The following ENTREP1 variants were observed in gnomAD, a reference collection of about 807,000 sequenced individuals.
ENTREP1 encodes the protein endosomal transmembrane epsin interactor 1.
chr9:69,328,525 A>AAC, the ENTREP1 span, among the ~76,000 whole-genome samples: 1 of 152,112 alleles, frequency 6.6e-6, no homozygotes, highest in African/African-American at 2.4e-5. Flanking sequence ...CCCCCTTCCT[A>AAC]ACACCCCTGG....
chr9:69,337,527 G>A, the ENTREP1 span, among the ~76,000 whole-genome samples: 1 of 152,036 alleles, frequency 6.6e-6, no homozygotes, highest in African/African-American at 2.4e-5. Context: ...ATAGCAAAAT[G>A]AATCATTTTA....
chr9:69,365,830 A>T, the ENTREP1 span, among the ~76,000 whole-genome samples: 1 of 152,124 alleles, frequency 6.6e-6, no homozygotes, highest in Admixed American at 6.6e-5. Context: ...CTCCAGTTCC[A>T]CTCAGGTTGC....
chr9:69,390,415 C>T, the ENTREP1 span, among the ~76,000 whole-genome samples: 6 of 152,276 alleles, frequency 3.9e-5, no homozygotes, highest in South Asian at 1.2e-3. Flanking sequence ...CCGGACAGTT[C>T]TCTCCTCTTC....
the ENTREP1 span, among the ~76,000 whole-genome samples, chr9:69,372,848 G>A: frequency 1.3e-4 from 16 of 126,534 alleles, no homozygotes; most frequent in Admixed American, 2.5e-4. Flanking sequence ...GTTATTTTCT[G>A]CTTTTTTTTT....
At chr9:69,351,331 C>T in the ENTREP1 span, among the ~76,000 whole-genome samples, 1 of 152,050 alleles carries the variant, frequency 6.6e-6, no homozygotes, top group Admixed American at 6.6e-5. Context: ...ATTTAGTGAG[C>T]TTTTGTGATT....
the ENTREP1 span, among the ~76,000 whole-genome samples, chr9:69,344,156 T>C: frequency 2.0e-5 from 3 of 152,202 alleles, no homozygotes; most frequent in African/African-American, 7.2e-5. Flanking sequence ...ATTCTCAAAT[T>C]ATTAATGATT....
the ENTREP1 span, chr9:69,383,035 T>C: frequency 2.0e-6 from 2 of 984,564 alleles, no homozygotes; most frequent in Non-Finnish European, 2.4e-6. Context: ...TGGTGAAAAA[T>C]CTTGTGGAGG....
the ENTREP1 span, among the ~76,000 whole-genome samples, chr9:69,336,422 A>G: frequency 6.6e-6 from 1 of 152,210 alleles, no homozygotes; most frequent in Non-Finnish European, 1.5e-5. Context: ...GATCATAACC[A>G]GTAAGTAAGA....
chr9:69,343,687 A>C, the ENTREP1 span, among the ~76,000 whole-genome samples: 1 of 151,804 alleles, frequency 6.6e-6, no homozygotes, highest in South Asian at 2.1e-4. Context: ...TAATATAAAC[A>C]ATTAAACATG....
the ENTREP1 span, among the ~76,000 whole-genome samples, chr9:69,337,365 ATTG>A: frequency 6.6e-6 from 1 of 152,188 alleles, no homozygotes; most frequent in Non-Finnish European, 1.5e-5. Context: ...ATGACTTTTT[ATTG>A]TTATAATGTT....
the ENTREP1 span, among the ~76,000 whole-genome samples, chr9:69,356,500 C>A: frequency 6.7e-6 from 1 of 149,212 alleles, no homozygotes; most frequent in Non-Finnish European, 1.5e-5. Context: ...GAGTCATGAT[C>A]TGATTCTTTA....
At chr9:69,385,289 T>C in the ENTREP1 span, among the ~76,000 whole-genome samples, 7 of 152,194 alleles carry the variant, frequency 4.6e-5, no homozygotes, top group African/African-American at 1.7e-4. Context: ...TTCATGAGCA[T>C]AAATTATCCA....
the ENTREP1 span, among the ~76,000 whole-genome samples, chr9:69,378,718 C>A: frequency 2.0e-5 from 3 of 151,304 alleles, no homozygotes; most frequent in African/African-American, 7.3e-5. Flanking sequence ...GAGATCGCAC[C>A]ACTGCACTCC....
At chr9:69,367,288 T>G in the ENTREP1 span, among the ~76,000 whole-genome samples, 9 of 151,588 alleles carry the variant, frequency 5.9e-5, no homozygotes, top group African/African-American at 1.9e-4. Context: ...ACCTTTGAAG[T>G]CAGGTAATGT....
the ENTREP1 span, chr9:69,388,120 T>C: frequency 0.41 from 660,193 of 1,613,318 alleles, 137,052 homozygotes; most frequent in Admixed American, 0.49. Flanking sequence ...TCAAAAGGGG[T>C]TGGCCAATGG....
chr9:69,349,855 AT>A, the ENTREP1 span, among the ~76,000 whole-genome samples: 1 of 152,258 alleles, frequency 6.6e-6, no homozygotes. Flanking sequence ...CATGTAACTT[AT>A]TGAATACTGT....
chr9:69,344,915 C>T, the ENTREP1 span, among the ~76,000 whole-genome samples: 2 of 152,128 alleles, frequency 1.3e-5, no homozygotes, highest in Non-Finnish European at 2.9e-5. Context: ...GCAAGAAATT[C>T]CTTTTCTTCT....
At chr9:69,378,490 C>T in the ENTREP1 span, among the ~76,000 whole-genome samples, 7 of 152,012 alleles carry the variant, frequency 4.6e-5, no homozygotes, top group Admixed American at 1.3e-4. Flanking sequence ...CATTTAGGCG[C>T]GGCGTGGTGG....
chr9:69,332,142 A>G, the ENTREP1 span, among the ~76,000 whole-genome samples: 11 of 152,196 alleles, frequency 7.2e-5, no homozygotes, highest in African/African-American at 2.4e-4. Flanking sequence ...CTAACCATCC[A>G]GGCCTACTTC....
Sources: allele counts gnomAD v4.1 joint callset (sites outside exome capture counted in the v4.1 genomes callset), GRCh38; gene constraint gnomAD v4.1.1; transcripts MANE v1.5; gene names NCBI Gene and HGNC (gene_info 2026-07-23, HGNC 2026-07-21).